LUZP2: variants seen among roughly 807,000 people sequenced by gnomAD.
The protein encoded by LUZP2 is leucine zipper protein 2.
In LUZP2, 52 loss-of-function variants were observed where a neutral mutation model predicts 51.6. That is an observed-to-expected ratio of 1.01 (90% CI 0.81 to 1.27). LUZP2 has a LOEUF of 1.27. Ranked by LOEUF, LUZP2 falls within the 50% of genes most tolerant of loss-of-function variation. The probability of loss-of-function intolerance (pLI) is 0.00; values close to 1 mark genes in which losing one functional copy is unlikely to be tolerated. For synonymous variants in LUZP2, 154 were observed against 137.3 expected, an observed-to-expected ratio of 1.12 and a Z score of -0.85; for missense variants, 436 against 395.4, an observed-to-expected ratio of 1.10 and a Z score of -0.87.
At chr11:25,003,472 G>T (rs1256887646) in intron 9 of LUZP2, among the ~76,000 whole-genome samples, 1 of 152,166 alleles carries the variant, frequency 6.6e-6, no homozygotes, top group Admixed American at 6.5e-5. Flanking sequence ...GGTATAACTG[G>T]ATATAGAGGA....
At chr11:25,016,423 G>C (rs972152791) in intron 9 of LUZP2, among the ~76,000 whole-genome samples, 3 of 151,600 alleles carry the variant, frequency 2.0e-5, no homozygotes, top group African/African-American at 7.3e-5. Flanking sequence ...TCCATTCCTG[G>C]GTTACTTCAC....
chr11:24,825,911 C>T (rs992563929), intron 5 of LUZP2, among the ~76,000 whole-genome samples: 8 of 151,672 alleles, frequency 5.3e-5, no homozygotes, highest in African/African-American at 1.7e-4. Context: ...GTTGGCCGAG[C>T]GCGATGGCTC....
chr11:24,836,087 T>G (rs17235099), intron 5 of LUZP2, among the ~76,000 whole-genome samples: 24,643 of 151,938 alleles, frequency 0.16, 2,047 homozygotes, highest in South Asian at 0.22. Context: ...TCTGACTGTT[T>G]CACTTTCAAA....
intron 5 of LUZP2, among the ~76,000 whole-genome samples, chr11:24,897,082 T>C (rs1239326794): frequency 6.6e-6 from 1 of 152,034 alleles, no homozygotes; most frequent in Non-Finnish European, 1.5e-5. Context: ...TGTGTCTAGT[T>C]AACCTAGTGG....
At chr11:24,982,279 C>T (rs2133913110) in intron 8 of LUZP2, among the ~76,000 whole-genome samples, 1 of 151,878 alleles carries the variant, frequency 6.6e-6, no homozygotes, top group South Asian at 2.1e-4. Flanking sequence ...GAGGAATATA[C>T]ATTTTTCTTC....
intron 1 of LUZP2, among the ~76,000 whole-genome samples, chr11:24,560,980 T>C: frequency 6.6e-6 from 1 of 151,926 alleles, no homozygotes; most frequent in East Asian, 1.9e-4. Context: ...GGATATGAGC[T>C]TATTAGAACT....
chr11:24,681,227 C>T (rs962466959), intron 1 of LUZP2, among the ~76,000 whole-genome samples: 1 of 151,810 alleles, frequency 6.6e-6, no homozygotes, highest in African/African-American at 2.4e-5. Flanking sequence ...ATGATCCACC[C>T]GCCTCGGCCT....
chr11:24,882,492 G>A (rs1241496257), intron 5 of LUZP2, among the ~76,000 whole-genome samples: 1 of 151,920 alleles, frequency 6.6e-6, no homozygotes, highest in Non-Finnish European at 1.5e-5. Flanking sequence ...TGCTCTTGGT[G>A]TTCTACATTC....
chr11:24,999,591 C>T (rs781752650), intron 9 of LUZP2, among the ~76,000 whole-genome samples: 1 of 148,278 alleles, frequency 6.7e-6, no homozygotes, highest in African/African-American at 2.4e-5. Context: ...TGGTCTTAAT[C>T]CCTTGACCTC....
chr11:24,697,832 G>C (rs1857293750), intron 1 of LUZP2, among the ~76,000 whole-genome samples: 1 of 152,110 alleles, frequency 6.6e-6, no homozygotes, highest in Non-Finnish European at 1.5e-5. Context: ...TAAAGCCTAA[G>C]GTTGGTCTTG....
In LUZP2 at chr11:24,497,121, C is replaced by T. The variant is rs1228713579; in HGVS notation, c.-123C>T. The T allele has an allele frequency of 1.2e-6, 1 of 865,240 alleles. No homozygotes were observed. The highest frequency in any genetic ancestry group is 2.9e-5 in the South Asian group (1 of 34,180). 53.6% of individuals were successfully genotyped at this position (865,240 alleles called of 1,614,324 possible). On this transcript the variant is annotated 5_prime_UTR_variant, in exon 1 of 12. Transcript: ENST00000336930. ...GCGTCCGTTCGTGTGCCCGTCTCCGCCTTTCCGCCTCGGAAGAGCGCTCAT... is the reference window on the plus strand; with the variant it reads ...GCGTCCGTTCGTGTGCCCGTCTCCGTCTTTCCGCCTCGGAAGAGCGCTCAT...
intron 1 of LUZP2, among the ~76,000 whole-genome samples, chr11:24,615,008 A>C (rs954315496): frequency 6.6e-6 from 1 of 152,032 alleles, no homozygotes; most frequent in Non-Finnish European, 1.5e-5. Context: ...GTCATTAAGA[A>C]AAAAGGTTGA....
chr11:24,883,735 C>T lies in LUZP2; in HGVS notation c.397-22256C>T, dbSNP rs572895965. ...ACTGACTAGCAAACATTGAATGAAA[C>T]AGTTTTTAAAGTTAATAGCATTTGT... On this transcript the variant is annotated intron_variant, in intron 5 of 11. Transcript: ENST00000336930. Among the ~76,000 whole-genome samples the T allele has an allele frequency of 8.7e-4, 132 of 152,116 alleles. 1 individual carries two copies. The highest frequency in any genetic ancestry group is 3.1e-3 in the African/African-American group (130 of 41,554).
chr11:24,547,596 G>A (rs1043306060), intron 1 of LUZP2, among the ~76,000 whole-genome samples: 3 of 152,048 alleles, frequency 2.0e-5, no homozygotes, highest in Non-Finnish European at 4.4e-5. Flanking sequence ...AGACTTAAAT[G>A]TGAAACCTAA....
chr11:24,734,644 T>C (rs1472832030), intron 3 of LUZP2, among the ~76,000 whole-genome samples: 1 of 151,944 alleles, frequency 6.6e-6, no homozygotes, highest in African/African-American at 2.4e-5. Context: ...ATGCATTCGT[T>C]TTTTGCTGTT....
intron 5 of LUZP2, among the ~76,000 whole-genome samples, chr11:24,839,774 T>A (rs1850968029): frequency 1.3e-5 from 2 of 151,710 alleles, no homozygotes; most frequent in South Asian, 4.1e-4. Context: ...GCTGTCTCAG[T>A]TTATTCTTGT....
chr11:24,757,965 G>T (rs1859835454), intron 4 of LUZP2, among the ~76,000 whole-genome samples: 1 of 152,028 alleles, frequency 6.6e-6, no homozygotes, highest in Non-Finnish European at 1.5e-5. Context: ...GGATTTTAAT[G>T]ATGACTTTTA....
At position 24,539,506 on chromosome 11, in the gene LUZP2, A is replaced by G. The variant is rs138956650; in HGVS notation, c.62+42201A>G. 8.7e-3 allele frequency among the ~76,000 whole-genome samples: 1,324 copies of G among 152,094 alleles called. 21 individuals are homozygous for G. Among genetic ancestry groups the G allele is most frequent in the African/African-American group, 0.03 (1,263 of 41,548 alleles). On this transcript the variant is annotated intron_variant, in intron 1 of 11. Transcript: ENST00000336930. ...AGGAGGATCAGATAGTTTAAGCAGT[A>G]TCAAATCAAGCATACACTATGCTTT... is the stretch of plus-strand genomic sequence containing the variant.
At chr11:24,671,636 C>T (rs1357852173) in intron 1 of LUZP2, among the ~76,000 whole-genome samples, 1 of 151,918 alleles carries the variant, frequency 6.6e-6, no homozygotes, top group Admixed American at 6.6e-5. Context: ...CAAGTAGACT[C>T]TGATGTTCCC....
Sources: allele counts gnomAD v4.1 joint callset (sites outside exome capture counted in the v4.1 genomes callset), GRCh38; gene constraint gnomAD v4.1.1; transcripts MANE v1.5; gene names NCBI Gene and HGNC (gene_info 2026-07-23, HGNC 2026-07-21).